Variants in MGAT4C observed in about 807,000 individuals in gnomAD.
MGAT4C encodes alpha-1,3-mannosyl-glycoprotein 4-beta-N-acetylglucosaminyltransferase C.
MGAT4C carries 19 observed loss-of-function variants against 40.1 expected under a neutral mutation model. The observed-to-expected ratio is 0.47, with a 90% confidence interval of 0.33 to 0.70. MGAT4C has a LOEUF of 0.70. Ranked by LOEUF, MGAT4C falls within the 30% of genes least tolerant of loss-of-function variation. The pLI is 0.02. For missense variants in MGAT4C, 491 were observed against 563.2 expected, an observed-to-expected ratio of 0.87 and a Z score of 1.30; for synonymous variants, 181 against 187.1, an observed-to-expected ratio of 0.97 and a Z score of 0.27.
At chr12:86,724,123 T>C (rs755218076) in intron 2 of MGAT4C, among the ~76,000 whole-genome samples, 1 of 152,202 alleles carries the variant, frequency 6.6e-6, no homozygotes, top group African/African-American at 2.4e-5. Context: ...TTTTACCATA[T>C]ATATAATGTA....
chr12:86,460,192 C>T (rs1460480714), intron 2 of MGAT4C, among the ~76,000 whole-genome samples: 1 of 151,886 alleles, frequency 6.6e-6, no homozygotes, highest in African/African-American at 2.4e-5. Context: ...TAATGAAAAC[C>T]TCAAAAAGTA....
chr12:86,493,016 C>G (rs1753183922), intron 2 of MGAT4C, among the ~76,000 whole-genome samples: 1 of 151,312 alleles, frequency 6.6e-6, no homozygotes, highest in South Asian at 2.1e-4. Flanking sequence ...CAAAAGAAGA[C>G]ATTTATGCAG....
intron 2 of MGAT4C, among the ~76,000 whole-genome samples, chr12:86,042,257 T>C (rs1891932033): frequency 6.6e-6 from 1 of 152,242 alleles, no homozygotes; most frequent in Non-Finnish European, 1.5e-5. Flanking sequence ...CTTGCTTCTT[T>C]ATCCAACCTG....
intron 3 of MGAT4C, among the ~76,000 whole-genome samples, chr12:86,382,527 AT>A (rs1407360150): frequency 1.3e-5 from 2 of 152,356 alleles, no homozygotes; most frequent in African/African-American, 4.8e-5. Flanking sequence ...GACTGCAGAA[AT>A]TTGCATAAGT....
At chr12:86,321,709 C>A (rs945386514) in intron 4 of MGAT4C, among the ~76,000 whole-genome samples, 31 of 152,140 alleles carry the variant, frequency 2.0e-4, no homozygotes, top group East Asian at 1.7e-3. Context: ...CGATCATTAA[C>A]AAGTCAGGAA....
chr12:86,828,806 G>A (rs1258612233), intron 1 of MGAT4C, among the ~76,000 whole-genome samples: 1 of 151,438 alleles, frequency 6.6e-6, no homozygotes, highest in Non-Finnish European at 1.5e-5. Flanking sequence ...GTCCAAAAAA[G>A]CAAAGATAGA....
intron 2 of MGAT4C, among the ~76,000 whole-genome samples, chr12:86,663,745 A>G (rs946621911): frequency 3.3e-5 from 5 of 152,156 alleles, no homozygotes. Context: ...ACCATGTTTG[A>G]TATTATTTCA....
intron 2 of MGAT4C, among the ~76,000 whole-genome samples, chr12:86,521,876 G>T (rs1958800682): frequency 6.6e-6 from 1 of 152,038 alleles, no homozygotes; most frequent in African/African-American, 2.4e-5. Context: ...TTGTGAATGG[G>T]ATTGCCTTCC....
chr12:86,447,116 C>A (rs1461379009), intron 2 of MGAT4C, among the ~76,000 whole-genome samples: 2 of 151,920 alleles, frequency 1.3e-5, no homozygotes, highest in Non-Finnish European at 2.9e-5. Flanking sequence ...CAGCAGCATT[C>A]TTTTTGTTTG....
intron 1 of MGAT4C, among the ~76,000 whole-genome samples, chr12:86,162,455 G>T (rs1407107556): frequency 2.6e-5 from 4 of 152,018 alleles, no homozygotes; most frequent in Non-Finnish European, 5.9e-5. Context: ...GATACACATG[G>T]ACATAAATAT....
At chr12:86,785,597 T>C (rs989414899) in intron 1 of MGAT4C, among the ~76,000 whole-genome samples, 1 of 151,876 alleles carries the variant, frequency 6.6e-6, no homozygotes, top group Non-Finnish European at 1.5e-5. Flanking sequence ...TATTTTATAT[T>C]CAATAAAAAA....
Position 86,347,414 on chromosome 12 carries a change from T to C in MGAT4C, c.-119-13287A>G, listed in dbSNP as rs114129334. Among the ~76,000 whole-genome samples, 1,070 of 152,274 alleles carry C rather than the reference T, an allele frequency of 7.0e-3. 11 individuals carry two copies. Among genetic ancestry groups the C allele is most frequent in the African/African-American group, 0.025 (1,023 of 41,560 alleles). The stretch of plus-strand genomic sequence containing the variant: ...AAATATGAGTATTTGATCACTGAAT[T>C]CGTGACTTATAGAGAAATATTAAGT... On this transcript the variant is annotated intron_variant, in intron 3 of 7. Coordinates refer to the MGAT4C transcript ENST00000548651.
intron 4 of MGAT4C, among the ~76,000 whole-genome samples, chr12:86,292,264 A>G (rs1953537572): frequency 6.6e-6 from 1 of 152,038 alleles, no homozygotes; most frequent in Non-Finnish European, 1.5e-5. Flanking sequence ...AAAAATTATA[A>G]TTTTATAATG....
At chr12:86,408,475 CTCTCTATATATATATATATATA>C (rs1219220331) in intron 3 of MGAT4C, among the ~76,000 whole-genome samples, 1 of 104,406 alleles carries the variant, frequency 9.6e-6, no homozygotes, top group East Asian at 3.3e-4. Context: ...CTCTCTCTCT[CTCTCTATATATATATATATATA>C]TATATATATA....
At chr12:86,699,567 G>T (rs959757617) in intron 2 of MGAT4C, among the ~76,000 whole-genome samples, 3 of 151,962 alleles carry the variant, frequency 2.0e-5, no homozygotes, top group African/African-American at 7.2e-5. Context: ...CAACATGGGG[G>T]TAGGAGCTGT....
intron 1 of MGAT4C, among the ~76,000 whole-genome samples, chr12:86,824,653 C>T (rs1015664906): frequency 6.8e-6 from 1 of 146,958 alleles, no homozygotes; most frequent in Admixed American, 7.0e-5. Context: ...TGGTCCCAGA[C>T]TGTCAACACT....
chr12:86,193,754 T>C (rs1889779072), intron 1 of MGAT4C, among the ~76,000 whole-genome samples: 1 of 152,204 alleles, frequency 6.6e-6, no homozygotes, highest in South Asian at 2.1e-4. Flanking sequence ...GTTTCAAAGA[T>C]AATGTGCCTT....
intron 2 of MGAT4C, among the ~76,000 whole-genome samples, chr12:86,579,767 T>C (rs1960707176): frequency 6.6e-6 from 1 of 151,594 alleles, no homozygotes; most frequent in Middle Eastern, 3.2e-3. Flanking sequence ...GGTTTGTTTG[T>C]CTGGGGAAGT....
intron 1 of MGAT4C, among the ~76,000 whole-genome samples, chr12:86,065,096 G>A (rs1287564271): frequency 2.0e-5 from 3 of 152,050 alleles, no homozygotes; most frequent in East Asian, 1.9e-4. Flanking sequence ...AAAAGCCCAC[G>A]ACCAGACAGA....
Sources: gnomAD v4.1 joint callset for allele counts (sites outside exome capture counted in the v4.1 genomes callset) on GRCh38, gnomAD v4.1.1 for gene constraint, MANE v1.5 for transcripts, NCBI Gene and HGNC (gene_info 2026-07-23, HGNC 2026-07-21) for gene names.